Variants in UBE2U observed in about 807,000 individuals in gnomAD.
The protein encoded by UBE2U is ubiquitin conjugating enzyme E2 U, also known as ubiquitin-conjugating enzyme E2 U.
UBE2U carries 39 observed loss-of-function variants against 41.2 expected under a neutral mutation model. The observed-to-expected ratio is 0.95, with a 90% CI of 0.73 to 1.24. UBE2U has a LOEUF of 1.24. UBE2U is among the 50% of genes most tolerant of loss of function. UBE2U has a pLI of 0.00. For synonymous variants in UBE2U, 107 were observed against 117.8 expected (o/e 0.91, Z 0.60); for missense variants, 336 against 363.1 (o/e 0.93, Z 0.61).
rs1361157884 is a variant in UBE2U, at chr1:64,206,635, A to C, written c.149-129A>C. The stretch of plus-strand genomic sequence containing the variant: ...CTATCCAGAGGAGTCGGTGCACTCT[A>C]TGAATCAATTTACTTAAAAATAAAA... On this transcript the variant is annotated intron_variant, in intron 2 of 9. Transcript: ENST00000371077. The C allele has an allele frequency of 2.0e-5, 12 of 604,678 alleles. No individual in the cohort carries two copies. In the East Asian group the frequency reaches 3.5e-4, roughly 18 times the overall value. The allele number at this position is 604,678 out of a possible 1,614,324, so 37.5% of individuals were successfully genotyped here.
In UBE2U at chr1:64,260,328, GT is replaced by G. The variant is rs898497527; in HGVS notation, c.678-270del. On this transcript the variant is annotated intron_variant, in intron 8 of 9. Transcript: ENST00000371077. ...AATATACCTTGCTATACCACATGAT[GT>G]TTTTATTACTTTTACTATGATGTTT... Among the ~76,000 whole-genome samples the G allele has an allele frequency of 8.5e-5, 13 of 152,216 alleles. 2 individuals carry two copies. The highest frequency in any genetic ancestry group is 8.5e-4 in the Admixed American group (13 of 15,284).
chr1:64,238,020 A>G (rs1644701843), intron 7 of UBE2U, among the ~76,000 whole-genome samples: 1 of 152,226 alleles, frequency 6.6e-6, no homozygotes, highest in African/African-American at 2.4e-5. Context: ...CAATGAGAAG[A>G]CATTACTCAA....
At chr1:64,222,028 A>G (rs1419137283) in intron 6 of UBE2U, among the ~76,000 whole-genome samples, 1 of 144,654 alleles carries the variant, frequency 6.9e-6, no homozygotes, top group Non-Finnish European at 1.5e-5. Context: ...CAGAGCTTGC[A>G]GTGAGCCAAG....
intron 5 of UBE2U, among the ~76,000 whole-genome samples, chr1:64,218,013 G>A (rs759800639): frequency 3.3e-5 from 5 of 152,112 alleles, no homozygotes; most frequent in African/African-American, 1.2e-4. Context: ...AATTGAAGCA[G>A]GTGGTGTCTC....
chr1:64,266,407 A>G (rs1270868044), intron 9 of UBE2U, among the ~76,000 whole-genome samples: 1 of 152,176 alleles, frequency 6.6e-6, no homozygotes, highest in East Asian at 1.9e-4. Context: ...TCTTTGATCA[A>G]GTTACTATAG....
Position 64,236,888 on chromosome 1 carries a change from T to C in UBE2U, c.595+4239T>C, listed in dbSNP as rs1257734650. ...ACCACCTGAGGAGCTTGTAAAACTT[T>C]CAATATAGATGGCACACCCAAGACC... On this transcript the variant is annotated intron_variant, in intron 7 of 9. Coordinates refer to ENST00000371077, the MANE Select transcript of UBE2U (RefSeq NM_001366232.2). Among the ~76,000 whole-genome samples, 5 of 152,262 alleles carry C rather than the reference T, an allele frequency of 3.3e-5. No homozygotes were observed. The East Asian group carries it at 5.8e-4, about 18-fold the overall frequency.
At chr1:64,236,336 T>C (rs906768482) in intron 7 of UBE2U, among the ~76,000 whole-genome samples, 1 of 152,174 alleles carries the variant, frequency 6.6e-6, no homozygotes, top group Non-Finnish European at 1.5e-5. Flanking sequence ...CTCTACTGCC[T>C]CCGTAATATG....
chr1:64,204,173 A>T, intron 1 of UBE2U, 57 bp downstream of exon 1: 1 of 1,531,746 alleles, frequency 6.5e-7, no homozygotes, highest in Non-Finnish European at 9.0e-7. Flanking sequence ...TTTAAGAGGC[A>T]GTTTAACCCA....
rs202100403 is a variant in UBE2U, at chr1:64,209,086, G to GT, written c.242-1649dup. Among the ~76,000 whole-genome samples, 510 of 152,088 alleles carry GT rather than the reference G, an allele frequency of 3.4e-3. 5 individuals are homozygous for GT. Among genetic ancestry groups the GT allele is most frequent in the African/African-American group, 0.012 (491 of 41,498 alleles). The stretch of plus-strand genomic sequence containing the variant: ...TCATATTTTACATTAGATTTTTTAT[G>GT]TTTTTTTCCCAAGTACATTATTTTA... On this transcript the variant is annotated intron_variant, in intron 3 of 9. Transcript: ENST00000371077.
chr1:64,265,376 A>G (rs1293637445), intron 9 of UBE2U, among the ~76,000 whole-genome samples: 1 of 152,228 alleles, frequency 6.6e-6, no homozygotes, highest in African/African-American at 2.4e-5. Context: ...GCATGGTTAG[A>G]AAGAACTGGA....
intron 8 of UBE2U, among the ~76,000 whole-genome samples, chr1:64,247,814 T>C (rs145851376): frequency 0.023 from 3,474 of 148,820 alleles, 143 homozygotes; most frequent in African/African-American, 0.081. Context: ...CAGTGAACCA[T>C]GGTTGTGCCA....
At chr1:64,264,598 T>A (rs1645225004) in intron 9 of UBE2U, among the ~76,000 whole-genome samples, 1 of 152,184 alleles carries the variant, frequency 6.6e-6, no homozygotes, top group Non-Finnish European at 1.5e-5. Context: ...CCAACTTTCA[T>A]TCCACGCCAG....
chr1:64,210,538 T>C (rs566202249), intron 3 of UBE2U, among the ~76,000 whole-genome samples: 3 of 152,320 alleles, frequency 2.0e-5, no homozygotes, highest in Admixed American at 1.3e-4. Flanking sequence ...GGAAAAACTG[T>C]AGGGGCACCT....
chr1:64,251,461 A>T (rs1287072776), intron 8 of UBE2U, among the ~76,000 whole-genome samples: 1 of 152,194 alleles, frequency 6.6e-6, no homozygotes, highest in Non-Finnish European at 1.5e-5. Flanking sequence ...TTTCTGATTT[A>T]AAAAAGAGAA....
At chr1:64,242,625 T>A (rs1019443158) in intron 8 of UBE2U, among the ~76,000 whole-genome samples, 14 of 146,432 alleles carry the variant, frequency 9.6e-5, no homozygotes, top group Admixed American at 2.8e-4. Context: ...AAAATGTAAT[T>A]CCCTATCCTT....
intron 5 of UBE2U, among the ~76,000 whole-genome samples, chr1:64,220,629 A>C (rs556440042): frequency 4.6e-5 from 7 of 151,904 alleles, no homozygotes; most frequent in African/African-American, 1.7e-4. Context: ...TCCTCTCATC[A>C]AGCAGTTTTT....
chr1:64,236,628 A>C (rs918921126), intron 7 of UBE2U, among the ~76,000 whole-genome samples: 1 of 152,204 alleles, frequency 6.6e-6, no homozygotes, highest in Non-Finnish European at 1.5e-5. Context: ...GAATTCCTCC[A>C]GACCAGTGTA....
At chr1:64,215,926 C>G (rs916134197) in intron 5 of UBE2U, among the ~76,000 whole-genome samples, 1 of 152,200 alleles carries the variant, frequency 6.6e-6, no homozygotes, top group East Asian at 1.9e-4. Flanking sequence ...TAGTTATTTC[C>G]TTTATATCCT....
intron 8 of UBE2U, among the ~76,000 whole-genome samples, chr1:64,256,970 A>C (rs903869200): frequency 6.6e-6 from 1 of 152,216 alleles, no homozygotes; most frequent in African/African-American, 2.4e-5. Flanking sequence ...TCAAAAGAAG[A>C]TATACATGCA....
Sources: gnomAD v4.1 joint callset for allele counts (sites outside exome capture counted in the v4.1 genomes callset) on GRCh38, gnomAD v4.1.1 for gene constraint, MANE v1.5 for transcripts, NCBI Gene and HGNC (gene_info 2026-07-23, HGNC 2026-07-21) for gene names.